Variants in GPR158 observed in about 807,000 individuals in gnomAD.
The protein encoded by GPR158 is G protein-coupled receptor 158, also known as metabotropic glycine receptor.
GPR158 carries 30 observed loss-of-function variants against 78.2 expected under a neutral mutation model. That is an observed-to-expected ratio of 0.38 (90% CI 0.29 to 0.52). The LOEUF is 0.52. Among genes scored for constraint, GPR158 ranks in the 20% least tolerant of loss-of-function variants. The probability of loss-of-function intolerance (pLI) is 0.83; values close to 1 mark genes in which losing one functional copy is unlikely to be tolerated. For synonymous variants in GPR158, 581 were observed against 591.1 expected (o/e 0.98, Z 0.25); for missense variants, 1,463 against 1,523.5 (o/e 0.96, Z 0.66).
At chr10:25,408,363 C>T (rs1415223992) in intron 3 of GPR158, among the ~76,000 whole-genome samples, 9 of 152,134 alleles carry the variant, frequency 5.9e-5, no homozygotes, top group Non-Finnish European at 8.8e-5. Flanking sequence ...CTGGTAAAGC[C>T]ATCATGTTTC....
intron 2 of GPR158, among the ~76,000 whole-genome samples, chr10:25,292,105 A>G (rs1042668121): frequency 6.6e-6 from 1 of 152,058 alleles, no homozygotes; most frequent in South Asian, 2.1e-4. Flanking sequence ...TGTTTACTAC[A>G]TAGGAAATGT....
intron 2 of GPR158, among the ~76,000 whole-genome samples, chr10:25,385,540 A>G (rs1263636593): frequency 6.6e-6 from 1 of 152,158 alleles, no homozygotes; most frequent in Non-Finnish European, 1.5e-5. Flanking sequence ...GAGAACCTTC[A>G]TACTGTTTTC....
intron 7 of GPR158, among the ~76,000 whole-genome samples, chr10:25,574,351 C>T (rs867559399): frequency 6.6e-6 from 1 of 151,864 alleles, no homozygotes; most frequent in African/African-American, 2.4e-5. Flanking sequence ...CGATAGTAAC[C>T]TGTATAAAGT....
At chr10:25,326,404 T>A (rs1319597948) in intron 2 of GPR158, among the ~76,000 whole-genome samples, 3 of 152,086 alleles carry the variant, frequency 2.0e-5, no homozygotes, top group African/African-American at 7.2e-5. Flanking sequence ...TGCTATTGAG[T>A]TTTTTTGAGT....
intron 2 of GPR158, among the ~76,000 whole-genome samples, chr10:25,277,740 C>T (rs1429886078): frequency 1.3e-5 from 2 of 152,084 alleles, no homozygotes; most frequent in Non-Finnish European, 2.9e-5. Context: ...GGGTAGCACT[C>T]TTCAGAGGAA....
At chr10:25,190,408 C>T (rs1852757716) in intron 1 of GPR158, among the ~76,000 whole-genome samples, 1 of 152,112 alleles carries the variant, frequency 6.6e-6, no homozygotes, top group Non-Finnish European at 1.5e-5. Flanking sequence ...ATACAACACA[C>T]TGCAGCCTCA....
intron 2 of GPR158, among the ~76,000 whole-genome samples, chr10:25,296,964 CA>C (rs1854523976): frequency 6.6e-6 from 1 of 152,184 alleles, no homozygotes; most frequent in African/African-American, 2.4e-5. Context: ...TCTGTTTCAG[CA>C]CAGTAATGAA....
At chr10:25,282,548 A>G (rs1159474679) in intron 2 of GPR158, among the ~76,000 whole-genome samples, 1 of 152,136 alleles carries the variant, frequency 6.6e-6, no homozygotes, top group Non-Finnish European at 1.5e-5. Context: ...AAAGAGACAC[A>G]CTGTTTTCCA....
chr10:25,490,277 CT>C (rs1030149449), intron 5 of GPR158, among the ~76,000 whole-genome samples: 48 of 150,068 alleles, frequency 3.2e-4, no homozygotes, highest in South Asian at 1.1e-3. Context: ...GATACATACA[CT>C]TTTTTTTTGG....
chr10:25,286,224 A>G (rs1419411400), intron 2 of GPR158, among the ~76,000 whole-genome samples: 2 of 151,502 alleles, frequency 1.3e-5, no homozygotes, highest in African/African-American at 4.9e-5. Context: ...ATGTTCCCTC[A>G]TATATCTTGG....
At chr10:25,254,925 T>G (rs1159989732) in intron 2 of GPR158, among the ~76,000 whole-genome samples, 1 of 152,236 alleles carries the variant, frequency 6.6e-6, no homozygotes, top group African/African-American at 2.4e-5. Flanking sequence ...ATTTCAATAC[T>G]CAGACCTTGA....
chr10:25,422,850 A>ACCCCCCCCCCCCCCCCTTCCC (rs11424448), intron 4 of GPR158, among the ~76,000 whole-genome samples: 1 of 130,272 alleles, frequency 7.7e-6, no homozygotes, highest in Non-Finnish European at 1.6e-5. Flanking sequence ...TTATTCCCTT[A>ACCCCCCCCCCCCCCCCTTCCC]CCCCCCCCAC....
At position 25,575,575 on chromosome 10, in the gene GPR158, A is replaced by T. The variant is rs549723827; in HGVS notation, c.1753+2688A>T. Among the ~76,000 whole-genome samples, 62 of 152,282 alleles carry T rather than the reference A, an allele frequency of 4.1e-4. 1 individual carries two copies. The highest frequency in any genetic ancestry group is 1.4e-3 in the African/African-American group (57 of 41,548). On this transcript the variant is annotated intron_variant, in intron 7 of 10. Transcript: ENST00000376351. The stretch of plus-strand genomic sequence containing the variant: ...TTCGTAAGTGTTCCAGGTGATTCTC[A>T]TATTACTCTAAAGTACAGAACTGCT...
intron 1 of GPR158, among the ~76,000 whole-genome samples, chr10:25,208,187 T>C (rs1853071993): frequency 6.6e-6 from 1 of 152,242 alleles, no homozygotes. Flanking sequence ...ACCATTGTTA[T>C]TTCAATTGAT....
chr10:25,491,657 T>C (rs1318695647), intron 5 of GPR158, among the ~76,000 whole-genome samples: 1 of 152,214 alleles, frequency 6.6e-6, no homozygotes, highest in Non-Finnish European at 1.5e-5. Flanking sequence ...ATAAAAATAC[T>C]TATTTTAGAA....
chr10:25,478,817 C>G (rs754986995), intron 5 of GPR158, among the ~76,000 whole-genome samples: 1 of 144,238 alleles, frequency 6.9e-6, no homozygotes. Context: ...ACGACAGGCC[C>G]CCGGTGTGTG....
intron 4 of GPR158, among the ~76,000 whole-genome samples, chr10:25,450,312 C>T (rs998451950): frequency 3.3e-5 from 5 of 151,044 alleles, no homozygotes. Context: ...AGGGGCAAGC[C>T]GGGGCTGTTC....
At chr10:25,521,711 C>G (rs74124054) in intron 5 of GPR158, among the ~76,000 whole-genome samples, 1 of 152,108 alleles carries the variant, frequency 6.6e-6, no homozygotes, top group Non-Finnish European at 1.5e-5. Context: ...AAACATGGAA[C>G]GCTTCATGAA....
chr10:25,364,359 C>A (rs201405726), intron 2 of GPR158, among the ~76,000 whole-genome samples: 1 of 151,830 alleles, frequency 6.6e-6, no homozygotes, highest in Non-Finnish European at 1.5e-5. Flanking sequence ...TAATCAGAAC[C>A]GTTTGTTAAT....
Sources: gnomAD v4.1 joint callset for allele counts (sites outside exome capture counted in the v4.1 genomes callset) on GRCh38, gnomAD v4.1.1 for gene constraint, MANE v1.5 for transcripts, NCBI Gene and HGNC (gene_info 2026-07-23, HGNC 2026-07-21) for gene names.